Variants in SEMA3D observed in about 807,000 individuals in gnomAD.
The protein encoded by SEMA3D is semaphorin 3D, also known as semaphorin-3D.
SEMA3D carries 84 observed loss-of-function variants against 100.1 expected under a neutral mutation model. The ratio of observed to expected loss-of-function variants is 0.84; its 90% CI spans 0.70 to 1.01. The LOEUF (loss-of-function observed/expected upper bound fraction) is 1.01, where lower values mean the gene tolerates loss of function less well. SEMA3D is among the 50% of genes least tolerant of loss of function. The probability of loss-of-function intolerance (pLI) is 0.00; values close to 1 mark genes in which losing one functional copy is unlikely to be tolerated. For missense variants in SEMA3D, 875 were observed against 934.1 expected (o/e 0.94, Z 0.82); for synonymous variants, 312 against 320.7 (o/e 0.97, Z 0.29).
intron 2 of SEMA3D, among the ~76,000 whole-genome samples, chr7:85,145,835 T>C (rs1020402353): frequency 1.2e-4 from 18 of 152,154 alleles, no homozygotes; most frequent in Admixed American, 9.2e-4. Flanking sequence ...TAATGTGATG[T>C]TGTATTTGCA....
intron 2 of SEMA3D, among the ~76,000 whole-genome samples, chr7:85,150,367 ATT>A (rs1491457891): frequency 1.5e-5 from 2 of 135,298 alleles, no homozygotes; most frequent in African/African-American, 5.5e-5. Flanking sequence ...ATATATATAT[ATT>A]ATATATATAT....
chr7:85,210,842 T>G, the SEMA3D span, among the ~76,000 whole-genome samples: 1 of 152,074 alleles, frequency 6.6e-6, no homozygotes, highest in Non-Finnish European at 1.5e-5. Context: ...CTATTTGACT[T>G]ATTACTTACT....
At chr7:85,208,913 A>G in the SEMA3D span, among the ~76,000 whole-genome samples, 3 of 152,078 alleles carry the variant, frequency 2.0e-5, no homozygotes, top group Admixed American at 6.6e-5. Context: ...TAGATTTGAA[A>G]GGATCAGGAC....
At chr7:85,081,605 CA>C (rs1562809709) in intron 4 of SEMA3D, 26 bp from the exon 5 acceptor site, 1 of 1,533,986 alleles carries the variant, frequency 6.5e-7, no homozygotes, top group Middle Eastern at 1.7e-4. Context: ...AAGTATGTTA[CA>C]ACCTGAATAT....
chr7:85,012,643 T>C (rs747105781), intron 17 of SEMA3D, 139 bp downstream of exon 17: 20 of 570,688 alleles, frequency 3.5e-5, no homozygotes, highest in Non-Finnish European at 5.9e-5. Flanking sequence ...AAATTTCCTG[T>C]TGCTCTTCCA....
At chr7:85,118,290 T>C (rs1003744543) in intron 3 of SEMA3D, among the ~76,000 whole-genome samples, 1 of 152,178 alleles carries the variant, frequency 6.6e-6, no homozygotes, top group Non-Finnish European at 1.5e-5. Context: ...ATATTTATGA[T>C]AGCTATTTTA....
At chr7:85,003,781 T>A (rs1179483797) in intron 18 of SEMA3D, among the ~76,000 whole-genome samples, 2 of 152,040 alleles carry the variant, frequency 1.3e-5, no homozygotes, top group Non-Finnish European at 2.9e-5. Flanking sequence ...TCACTAATAT[T>A]CAAAGAAGTA....
At chr7:85,161,768 G>A (rs1339587717) in intron 1 of SEMA3D, among the ~76,000 whole-genome samples, 1 of 152,032 alleles carries the variant, frequency 6.6e-6, no homozygotes, top group African/African-American at 2.4e-5. Flanking sequence ...ACCCACACAG[G>A]TATTATTTTT....
At chr7:85,148,830 T>G (rs897985176) in intron 2 of SEMA3D, among the ~76,000 whole-genome samples, 4 of 151,744 alleles carry the variant, frequency 2.6e-5, no homozygotes, top group African/African-American at 7.3e-5. Context: ...TGTGTGTAGA[T>G]TTTTTTTGTT....
chr7:85,238,165 C>G, the SEMA3D span, among the ~76,000 whole-genome samples: 1 of 152,070 alleles, frequency 6.6e-6, no homozygotes, highest in East Asian at 1.9e-4. Flanking sequence ...AGATAACTTC[C>G]TTTATCAGAT....
intron 2 of SEMA3D, chr7:85,144,634 TG>T: frequency 1.0e-6 from 1 of 984,972 alleles, no homozygotes; most frequent in Non-Finnish European, 1.2e-6. Flanking sequence ...TTTTTTCCTT[TG>T]GGAACTGGCC....
intron 1 of SEMA3D, among the ~76,000 whole-genome samples, chr7:85,162,563 T>TG (rs1370607475): frequency 2.0e-5 from 3 of 151,940 alleles, no homozygotes; most frequent in African/African-American, 4.8e-5. Flanking sequence ...CATGCCACAG[T>TG]GAAAAAAAGC....
chr7:85,045,750 T>C (rs1790989814), intron 9 of SEMA3D, among the ~76,000 whole-genome samples: 1 of 151,970 alleles, frequency 6.6e-6, no homozygotes, highest in African/African-American at 2.4e-5. Context: ...GATGTATATC[T>C]GGAATTATCA....
At chr7:85,189,921 T>C (rs754038162), upstream of SEMA3D, among the ~76,000 whole-genome samples, 79 of 152,172 alleles carry the variant, frequency 5.2e-4, no homozygotes, top group African/African-American at 1.8e-3. Context: ...AAAATTCTAA[T>C]TGTAGAATTT....
chr7:85,186,725 G>C lies in SEMA3D; in HGVS notation c.-220C>G, dbSNP rs1791565516. The C allele has an allele frequency of 6.6e-6, 1 of 152,348 alleles. No individual in the cohort carries two copies. The highest frequency in any genetic ancestry group is 2.4e-5 in the African/African-American group (1 of 41,450). 9.4% of individuals were successfully genotyped at this position (152,348 alleles called of 1,614,324 possible). A position where few individuals can be genotyped will look rare whatever the true frequency, so the allele number is the denominator to read the frequency against. ...TCTCTCTTTTCCTGGTGCCTTTTCAGGGAGAGGGGAACGGGATGCAGGCTG... is the reference window on the plus strand; with the variant it reads ...TCTCTCTTTTCCTGGTGCCTTTTCACGGAGAGGGGAACGGGATGCAGGCTG... On this transcript the variant is annotated 5_prime_UTR_variant, in exon 1 of 19. Transcript: ENST00000284136.
Position 85,104,800 on chromosome 7 carries a change from A to G in SEMA3D, c.152-6835T>C, listed in dbSNP as rs530943952. ...GATTAAAAAAAAAAGAAAAGAAAAG[A>G]AAAGAAAAAAAATGCTTCCCACATC... On this transcript the variant is annotated intron_variant, in intron 3 of 18. Transcript: ENST00000284136. Among the ~76,000 whole-genome samples, 128 of 152,042 alleles carry G rather than the reference A, an allele frequency of 8.4e-4. No homozygotes were observed. The South Asian group carries it at 1.0e-2, about 12-fold the overall frequency.
chr7:85,173,298 A>G (rs151030079), intron 1 of SEMA3D, among the ~76,000 whole-genome samples: 20 of 152,178 alleles, frequency 1.3e-4, no homozygotes, highest in African/African-American at 3.9e-4. Context: ...AATTCAGAGG[A>G]GGGTGTTTAA....
chr7:85,236,377 G>C, the SEMA3D span, among the ~76,000 whole-genome samples: 1 of 150,530 alleles, frequency 6.6e-6, no homozygotes, highest in Non-Finnish European at 1.5e-5. Flanking sequence ...GCATGATCTC[G>C]GCTCACTGCA....
intron 11 of SEMA3D, among the ~76,000 whole-genome samples, chr7:85,040,181 T>C (rs537890967): frequency 4.7e-4 from 72 of 152,042 alleles, no homozygotes; most frequent in African/African-American, 1.5e-3. Flanking sequence ...GGTCTCACTA[T>C]GTTGTCCAGG....
Sources: gnomAD v4.1 joint callset for allele counts (sites outside exome capture counted in the v4.1 genomes callset) on GRCh38, gnomAD v4.1.1 for gene constraint, MANE v1.5 for transcripts, NCBI Gene and HGNC (gene_info 2026-07-23, HGNC 2026-07-21) for gene names.